Variants in SLC14A2 observed in about 807,000 individuals in gnomAD.
SLC14A2 encodes the protein solute carrier family 14 member 2, also known as urea transporter 2.
Under a neutral mutation model 104.6 loss-of-function variants are expected in SLC14A2, and 91 were observed. The ratio of observed to expected loss-of-function variants is 0.87; its 90% CI spans 0.73 to 1.04. The LOEUF (loss-of-function observed/expected upper bound fraction) is 1.04. SLC14A2 is among the 50% of genes least tolerant of loss of function. The probability of loss-of-function intolerance (pLI) is 0.00; values close to 1 mark genes in which losing one functional copy is unlikely to be tolerated. For missense variants in SLC14A2, 1,189 were observed against 1,156.0 expected (o/e 1.03, Z -0.41); for synonymous variants, 476 against 466.4 (o/e 1.02, Z -0.27).
At chr18:45,255,416 G>A (rs922596431) in intron 1 of SLC14A2, among the ~76,000 whole-genome samples, 4 of 152,316 alleles carry the variant, frequency 2.6e-5, no homozygotes, top group African/African-American at 4.8e-5. Flanking sequence ...AAGGGAGAGC[G>A]CATTTGTGTG....
At chr18:45,254,513 C>A (rs755841962) in intron 1 of SLC14A2, among the ~76,000 whole-genome samples, 2 of 152,138 alleles carry the variant, frequency 1.3e-5, no homozygotes, top group African/African-American at 2.4e-5. Flanking sequence ...ATAAACCATC[C>A]AACTGCACAA....
intron 1 of SLC14A2, among the ~76,000 whole-genome samples, chr18:45,468,286 A>G (rs973940710): frequency 3.3e-5 from 5 of 152,160 alleles, no homozygotes; most frequent in African/African-American, 1.2e-4. Flanking sequence ...AAGAAAAAGG[A>G]TGCTAACCAT....
rs780322203 is a variant in SLC14A2, at chr18:45,644,102, G to A, written c.1293G>A (p.Glu431=). ...CACTCAGCAAAGTCACCTACCCCGA[G>A]GCCAACCGCATCTACTACCTGACAG... The part of the protein sequence containing the change: ...RLPLSKVTYP[E]ANRIYYLTVK... The change falls in exon 10 of 20, where the codon GAG becomes GAA. Residue 431 remains glutamate, a synonymous_variant. Transcript: ENST00000255226. 9 of 1,614,178 alleles carry A rather than the reference G, an allele frequency of 5.6e-6. No individual in the cohort carries two copies. Among genetic ancestry groups the A allele is most frequent in the Non-Finnish European group, 7.6e-6 (9 of 1,180,036 alleles).
At chr18:45,605,877 G>A (rs1414289481) in intron 2 of SLC14A2, among the ~76,000 whole-genome samples, 1 of 152,172 alleles carries the variant, frequency 6.6e-6, no homozygotes, top group Non-Finnish European at 1.5e-5. Flanking sequence ...AAGGCTACAG[G>A]AGAGGAAATG....
intron 2 of SLC14A2, among the ~76,000 whole-genome samples, chr18:45,504,810 T>A (rs2043256252): frequency 6.6e-6 from 1 of 152,216 alleles, no homozygotes; most frequent in South Asian, 2.1e-4. Flanking sequence ...TCCCCATTGT[T>A]CTTCCTTTCT....
intron 10 of SLC14A2, among the ~76,000 whole-genome samples, chr18:45,656,153 A>C (rs2045832684): frequency 6.6e-6 from 1 of 152,216 alleles, no homozygotes; most frequent in African/African-American, 2.4e-5. Context: ...CCTCAACTTC[A>C]AAAGGTGTAG....
chr18:45,575,627 A>AG (rs2044407682), intron 2 of SLC14A2, among the ~76,000 whole-genome samples: 1 of 152,132 alleles, frequency 6.6e-6, no homozygotes, highest in South Asian at 2.1e-4. Flanking sequence ...TTTTGCTTTC[A>AG]TTTTCCTCTG....
rs1421407252 is a variant in SLC14A2, at chr18:45,414,758, ATATATAT to A, written c.-124-68474_-124-68468del. Among the ~76,000 whole-genome samples, 143 of 50,082 alleles carry A rather than the reference ATATATAT, an allele frequency of 2.9e-3. 5 individuals are homozygous for A. The highest frequency in any genetic ancestry group is 0.017 in the Middle Eastern group (1 of 58). The allele number at this position is 50,082 out of a possible 152,430, so 32.9% of individuals were successfully genotyped here. ...GGCACCGAGCGTAAAAAAAAAAAAAATATATATATATATATATATATATATATATATA... is the reference window on the plus strand; with the variant it reads ...GGCACCGAGCGTAAAAAAAAAAAAAAATATATATATATATATATATATATA... On this transcript the variant is annotated intron_variant, in intron 1 of 20. Transcript: ENST00000586448.
chr18:45,428,612 T>A (rs1033726917), intron 1 of SLC14A2, among the ~76,000 whole-genome samples: 3 of 152,122 alleles, frequency 2.0e-5, no homozygotes, highest in Non-Finnish European at 4.4e-5. Flanking sequence ...TAGTTGGTCC[T>A]AAAACACAGG....
At chr18:45,173,084 C>T in the SLC14A2 span, among the ~76,000 whole-genome samples, 1 of 152,106 alleles carries the variant, frequency 6.6e-6, no homozygotes, top group African/African-American at 2.4e-5. Context: ...TATTAAGATA[C>T]CAATGTGATT....
intron 1 of SLC14A2, among the ~76,000 whole-genome samples, chr18:45,359,333 T>G (rs1366879250): frequency 6.6e-6 from 1 of 152,188 alleles, no homozygotes; most frequent in Non-Finnish European, 1.5e-5. Context: ...GTCTAGCGTT[T>G]GTTCCAGAGT....
intron 1 of SLC14A2, among the ~76,000 whole-genome samples, chr18:45,619,772 C>T (rs1441928790): frequency 6.6e-6 from 1 of 152,170 alleles, no homozygotes; most frequent in Non-Finnish European, 1.5e-5. Context: ...CTTTTGAAAG[C>T]TGTTCCGTTT....
At chr18:45,421,723 T>C (rs997132855) in intron 1 of SLC14A2, among the ~76,000 whole-genome samples, 9 of 152,144 alleles carry the variant, frequency 5.9e-5, no homozygotes, top group African/African-American at 2.2e-4. Flanking sequence ...CACAATGCTC[T>C]CCTCACCAAG....
Position 45,555,481 on chromosome 18 carries a change from A to G in SLC14A2, c.-34-69150A>G, listed in dbSNP as rs554513160. Among the ~76,000 whole-genome samples the G allele has an allele frequency of 6.6e-5, 10 of 152,306 alleles. No homozygotes were observed. In the South Asian group the frequency reaches 2.1e-3, roughly 32 times the overall value. ...AAGTTGGGGAGCAGCTGTATTTGAA[A>G]ACCAAAGAGTCTACCTGTGACTTCC... On this transcript the variant is annotated intron_variant, in intron 2 of 20. Coordinates refer to the SLC14A2 transcript ENST00000586448.
intron 1 of SLC14A2, among the ~76,000 whole-genome samples, chr18:45,618,802 C>T (rs542853521): frequency 1.3e-5 from 2 of 150,204 alleles, no homozygotes; most frequent in Admixed American, 6.6e-5. Context: ...TGACTCTGCA[C>T]TAATTCACAC....
At chr18:45,557,200 A>G (rs565418742) in intron 2 of SLC14A2, among the ~76,000 whole-genome samples, 5 of 152,336 alleles carry the variant, frequency 3.3e-5, no homozygotes, top group Non-Finnish European at 5.9e-5. Context: ...TCACAGTTCA[A>G]TAGACATTTG....
In SLC14A2 at chr18:45,632,483, GGCAC is replaced by G. The variant is rs2045361463; in HGVS notation, c.650+6_650+9del. The G allele has an allele frequency of 6.2e-7, 1 of 1,612,808 alleles. No individual in the cohort carries two copies. Among genetic ancestry groups the G allele is most frequent in the African/African-American group, 1.3e-5 (1 of 74,820 alleles). ...GACCTTCACAGCCATGTCCTGGTGAGGCACCTCATTTTTTCTGCTCACAGCTCCA... is the reference window on the plus strand; with the variant it reads ...GACCTTCACAGCCATGTCCTGGTGAGCTCATTTTTTCTGCTCACAGCTCCA... On this transcript the variant is annotated splice_donor_region_variant and intron_variant, in intron 5 of 19. Coordinates refer to ENST00000255226, the MANE Select transcript of SLC14A2 (RefSeq NM_007163.4).
chr18:45,419,261 C>T (rs2052373), intron 1 of SLC14A2, among the ~76,000 whole-genome samples: 18,019 of 152,156 alleles, frequency 0.12, 1,056 homozygotes, highest in Middle Eastern at 0.21. Flanking sequence ...GTTCCTAAAG[C>T]ACACCCTGAC....
intron 1 of SLC14A2, among the ~76,000 whole-genome samples, chr18:45,454,551 T>G (rs2086910429): frequency 6.6e-6 from 1 of 152,230 alleles, no homozygotes; most frequent in Non-Finnish European, 1.5e-5. Context: ...CCATTGCTTT[T>G]GGTATTTTAG....
Sources: gnomAD v4.1 joint callset for allele counts (sites outside exome capture counted in the v4.1 genomes callset) on GRCh38, gnomAD v4.1.1 for gene constraint, MANE v1.5 for transcripts, NCBI Gene and HGNC (gene_info 2026-07-23, HGNC 2026-07-21) for gene names.